MYRIP: variants seen among roughly 807,000 people sequenced by gnomAD.
MYRIP encodes rab effector MyRIP.
Under a neutral mutation model 98.0 loss-of-function variants are expected in MYRIP, and 49 were observed. The ratio of observed to expected loss-of-function variants is 0.50; its 90% CI spans 0.40 to 0.63. The LOEUF is 0.63. Ranked by LOEUF, MYRIP falls within the 30% of genes least tolerant of loss-of-function variation. MYRIP has a pLI of 0.00. For synonymous variants in MYRIP, 404 were observed against 409.5 expected (o/e 0.99, Z 0.16); for missense variants, 1,004 against 1,058.2 (o/e 0.95, Z 0.71).
chr3:39,974,002 A>G (rs1176390352), intron 2 of MYRIP, among the ~76,000 whole-genome samples: 1 of 152,206 alleles, frequency 6.6e-6, no homozygotes, highest in African/African-American at 2.4e-5. Flanking sequence ...TAGAGAAGCA[A>G]GAGCAAACAC....
chr3:40,125,343 T>C (rs1301890775), intron 3 of MYRIP, among the ~76,000 whole-genome samples: 1 of 152,206 alleles, frequency 6.6e-6, no homozygotes, highest in African/African-American at 2.4e-5. Flanking sequence ...ACTGAAGAAC[T>C]TGGAGTCTGA....
intron 11 of MYRIP, among the ~76,000 whole-genome samples, chr3:40,212,243 C>CATAT (rs1951976703): frequency 7.4e-5 from 2 of 27,082 alleles, no homozygotes; most frequent in African/African-American, 7.1e-5. Flanking sequence ...CACACACACA[C>CATAT]ACATATATAT....
At chr3:40,119,318 C>T (rs571092648) in intron 3 of MYRIP, among the ~76,000 whole-genome samples, 8 of 152,182 alleles carry the variant, frequency 5.3e-5, no homozygotes, top group East Asian at 3.9e-4. Flanking sequence ...ATTTGCATTT[C>T]GGAATGAGGA....
intron 2 of MYRIP, among the ~76,000 whole-genome samples, chr3:39,987,658 C>A (rs1302990509): frequency 6.6e-6 from 1 of 152,180 alleles, no homozygotes; most frequent in Non-Finnish European, 1.5e-5. Context: ...CACAGCCTTG[C>A]CAGCATCTAT....
chr3:40,058,772 C>T (rs999489313), intron 3 of MYRIP, among the ~76,000 whole-genome samples: 3 of 151,912 alleles, frequency 2.0e-5, no homozygotes, highest in Admixed American at 6.6e-5. Context: ...TATGTCTATA[C>T]GGATTCTTTT....
chr3:39,992,386 C>T (rs1946201453), intron 2 of MYRIP, among the ~76,000 whole-genome samples: 1 of 152,220 alleles, frequency 6.6e-6, no homozygotes, highest in Admixed American at 6.5e-5. Flanking sequence ...TCCAGCTCTT[C>T]TCTGAAAATG....
chr3:39,919,721 T>TGAGA (rs1392578651), intron 2 of MYRIP, among the ~76,000 whole-genome samples: 23 of 146,930 alleles, frequency 1.6e-4, no homozygotes, highest in African/African-American at 3.3e-4. Context: ...TGTGTGTGTG[T>TGAGA]GTGTGTGAGA....
intron 2 of MYRIP, among the ~76,000 whole-genome samples, chr3:40,035,686 T>G (rs1947363872): frequency 6.6e-6 from 1 of 151,842 alleles, no homozygotes. Flanking sequence ...AAACAAATCA[T>G]TAGAACTTCT....
chr3:40,218,598 C>CACACACACAT (rs143584008), intron 11 of MYRIP, among the ~76,000 whole-genome samples: 307 of 14,182 alleles, frequency 0.022, 12 homozygotes, highest in African/African-American at 0.03. Context: ...CACACACACA[C>CACACACACAT]ATATATATAT....
chr3:39,936,005 A>G (rs922583607), intron 2 of MYRIP, among the ~76,000 whole-genome samples: 1 of 152,332 alleles, frequency 6.6e-6, no homozygotes, highest in African/African-American at 2.4e-5. Context: ...CAATTTCAAC[A>G]CCTACATCTG....
Position 40,256,766 on chromosome 3 carries a change from A to AT in MYRIP, c.2548-1358dup, listed in dbSNP as rs34097849. Among the ~76,000 whole-genome samples, 304 of 150,064 alleles carry AT rather than the reference A, an allele frequency of 2.0e-3. 3 individuals are homozygous for AT. The highest frequency in any genetic ancestry group is 6.5e-3 in the African/African-American group (266 of 41,028). On this transcript the variant is annotated intron_variant, in intron 16 of 16. Transcript: ENST00000302541. The stretch of plus-strand genomic sequence containing the variant: ...ATTCTGTGGCCAAATGATTTTGCTG[A>AT]TTTTTTTTTTAAGGAACAATTCCCA...
intron 8 of MYRIP, among the ~76,000 whole-genome samples, chr3:40,181,658 C>CAT (rs886920775): frequency 9.0e-4 from 136 of 151,778 alleles, no homozygotes; most frequent in African/African-American, 2.5e-3. Context: ...CACAATACAA[C>CAT]ATATATATAT....
chr3:39,933,460 C>T (rs187410501), intron 2 of MYRIP, among the ~76,000 whole-genome samples: 21 of 152,334 alleles, frequency 1.4e-4, no homozygotes, highest in Non-Finnish European at 1.9e-4. Context: ...TGCTTTCATA[C>T]GTCCTTGTCA....
At chr3:39,823,365 G>T (rs539938997) in intron 1 of MYRIP, among the ~76,000 whole-genome samples, 93 of 152,218 alleles carry the variant, frequency 6.1e-4, no homozygotes, top group South Asian at 1.7e-3. Context: ...ATGCCCAGTA[G>T]CCCAGTAGTG....
At chr3:40,050,380 C>T (rs900748354) in intron 3 of MYRIP, among the ~76,000 whole-genome samples, 1 of 151,896 alleles carries the variant, frequency 6.6e-6, no homozygotes, top group Non-Finnish European at 1.5e-5. Flanking sequence ...ATAAATAAAA[C>T]AACAAAGCCT....
intron 2 of MYRIP, among the ~76,000 whole-genome samples, chr3:40,036,695 T>C (rs2125825000): frequency 6.6e-6 from 1 of 152,206 alleles, no homozygotes; most frequent in East Asian, 1.9e-4. Flanking sequence ...GGAGAAGCAT[T>C]GATACTTAGA....
chr3:39,888,915 A>G (rs1291501762), intron 1 of MYRIP, among the ~76,000 whole-genome samples: 2 of 152,152 alleles, frequency 1.3e-5, no homozygotes, highest in African/African-American at 2.4e-5. Context: ...GCAGCCAAAA[A>G]ACACATGAAA....
chr3:39,919,717 T>A (rs1454926643), intron 2 of MYRIP, among the ~76,000 whole-genome samples: 171 of 149,000 alleles, frequency 1.1e-3, no homozygotes, highest in East Asian at 4.3e-3. Context: ...TGTGTGTGTG[T>A]GTGTGTGTGT....
At chr3:40,130,447 G>C (rs891890546) in intron 3 of MYRIP, among the ~76,000 whole-genome samples, 4 of 147,968 alleles carry the variant, frequency 2.7e-5, no homozygotes, top group African/African-American at 1.0e-4. Flanking sequence ...GCGCAATCTC[G>C]GCTCACTGCA....
Sources: gnomAD v4.1 joint callset for allele counts (sites outside exome capture counted in the v4.1 genomes callset) on GRCh38, gnomAD v4.1.1 for gene constraint, MANE v1.5 for transcripts, NCBI Gene and HGNC (gene_info 2026-07-23, HGNC 2026-07-21) for gene names.